PLAA: variants seen among roughly 807,000 people sequenced by gnomAD.
PLAA encodes the protein phospholipase A2 activating protein.
Under a neutral mutation model 84.1 loss-of-function variants are expected in PLAA, and 48 were observed. The observed-to-expected ratio is 0.57, with a 90% CI of 0.45 to 0.73. PLAA has a LOEUF of 0.73. Ranked by LOEUF, PLAA falls within the 30% of genes least tolerant of loss-of-function variation. The pLI, the probability that PLAA is intolerant of heterozygous loss-of-function variation, is 0.00. For missense variants in PLAA, 903 were observed against 954.7 expected, an observed-to-expected ratio of 0.95 and a Z score of 0.71; for synonymous variants, 392 against 336.6, an observed-to-expected ratio of 1.16 and a Z score of -1.80.
chr9:26,932,115 A>G (rs1825204890), intron 2 of PLAA, among the ~76,000 whole-genome samples: 7 of 152,158 alleles, frequency 4.6e-5, no homozygotes, highest in Admixed American at 4.6e-4. Context: ...ACAAACAAAC[A>G]AACAAAACAG....
chr9:26,939,553 G>C lies in PLAA; in HGVS notation c.150-4347C>G, dbSNP rs149798196. On this transcript the variant is annotated intron_variant, in intron 1 of 13. Coordinates refer to ENST00000397292, the MANE Select transcript of PLAA (RefSeq NM_001031689.3). ...GAAAACAGACAGCAAAATGGCATCG[G>C]TGATTACTTTCAATGTAAATGAATT... 1.5e-4 allele frequency among the ~76,000 whole-genome samples: 22 copies of C among 147,980 alleles called. No individual in the cohort carries two copies. In the East Asian group the frequency reaches 2.9e-3, roughly 20 times the overall value.
intron 7 of PLAA, among the ~76,000 whole-genome samples, 174 bp downstream of exon 7, chr9:26,923,004 T>C (rs561982826): frequency 6.6e-6 from 1 of 152,258 alleles, no homozygotes; most frequent in East Asian, 1.9e-4. Flanking sequence ...AAGTCTTCTG[T>C]GAGACAGAGG....
intron 11 of PLAA, among the ~76,000 whole-genome samples, chr9:26,912,102 A>G (rs1164202629): frequency 6.6e-6 from 1 of 152,240 alleles, no homozygotes; most frequent in Non-Finnish European, 1.5e-5. Flanking sequence ...GAAAGATAAG[A>G]GTAGGCGATC....
chr9:26,929,176 T>C (rs1228985024), intron 2 of PLAA, among the ~76,000 whole-genome samples: 1 of 151,898 alleles, frequency 6.6e-6, no homozygotes, highest in Non-Finnish European at 1.5e-5. Context: ...ACTTCACGCC[T>C]GGGTGACACA....
intron 2 of PLAA, among the ~76,000 whole-genome samples, chr9:26,930,191 G>A (rs556738827): frequency 9.3e-4 from 138 of 148,172 alleles, no homozygotes; most frequent in African/African-American, 3.1e-3. Context: ...CGCAAGCTCT[G>A]CCTCCCGGGT....
intron 1 of PLAA, among the ~76,000 whole-genome samples, chr9:26,937,683 G>A (rs1825404974): frequency 1.3e-5 from 2 of 152,032 alleles, no homozygotes; most frequent in Non-Finnish European, 1.5e-5. Flanking sequence ...GAAAACTGAA[G>A]TATCAGTAAA....
At chr9:26,912,910 TA>T (rs1469048574) in intron 11 of PLAA, among the ~76,000 whole-genome samples, 1 of 152,084 alleles carries the variant, frequency 6.6e-6, no homozygotes, top group African/African-American at 2.4e-5. Flanking sequence ...CTTTTGCAAT[TA>T]AAAAATAGCT....
chr9:26,919,394 C>A lies in PLAA; in HGVS notation c.1333G>T (p.Asp445Tyr), dbSNP rs570825518. The A allele has an allele frequency of 6.2e-7, 1 of 1,612,990 alleles. No homozygotes were observed. The highest frequency in any genetic ancestry group is 2.2e-5 in the East Asian group (1 of 44,778). ...TCAATAATAAATTTAGCTACTTGAT[C>A]CAGAAACATAGGATTCAAATCATTC... ...QKNDLNPMFL[D>Y]QVAKFIIDNT... Residue 445 changes from aspartate (D) to tyrosine (Y), a missense_variant, in exon 9 of 14, where the codon GAT becomes TAT. Physicochemically the swap from Asp to Tyr is radical, Grantham distance 160 (BLOSUM62 -3). Transcript: ENST00000397292.
chr9:26,935,195 C>T lies in PLAA; in HGVS notation c.161G>A (p.Ser54Asn), dbSNP rs1394839373. ...RLWAPDSPNR[S>N]FTEMHCMSGH... ...ACTCATACAGTGCATTTCTGTAAAG[C>T]TCCTGTTTGGACTGGAAAGACAAGA... The change falls in exon 2 of 14, where the codon AGC becomes AAC. Residue 54 changes from serine to asparagine, a missense_variant. Physicochemically the swap from Ser to Asn is conservative, Grantham distance 46. Transcript: ENST00000397292. 1.9e-6 allele frequency: 3 copies of T among 1,563,570 alleles called. No homozygotes were observed. Among genetic ancestry groups the T allele is most frequent in the Non-Finnish European group, 2.6e-6 (3 of 1,161,014 alleles).
chr9:26,928,242 A>G, intron 3 of PLAA, 22 bp from the exon 4 acceptor site: 1 of 1,614,064 alleles, frequency 6.2e-7, no homozygotes. Context: ...ATGAGTATCA[A>G]TTTAAGTTGC....
At chr9:26,919,639 T>A (rs1824690910) in intron 8 of PLAA, 110 bp from the exon 9 acceptor site, 1 of 672,878 alleles carries the variant, frequency 1.5e-6, no homozygotes, top group East Asian at 2.5e-5. Flanking sequence ...GTACTTAAAC[T>A]TTCTCCAAAG....
chr9:26,929,577 T>C (rs1181529731), intron 2 of PLAA, among the ~76,000 whole-genome samples: 1 of 152,190 alleles, frequency 6.6e-6, no homozygotes, highest in African/African-American at 2.4e-5. Context: ...ACCTTTTTCC[T>C]AGACCAGAAG....
chr9:26,942,691 G>C (rs1013364074), intron 1 of PLAA, among the ~76,000 whole-genome samples: 7 of 152,044 alleles, frequency 4.6e-5, no homozygotes, highest in Admixed American at 3.9e-4. Context: ...GACCATCCTG[G>C]CTAACACTGT....
At chr9:26,944,687 G>C (rs1176777157) in intron 1 of PLAA, among the ~76,000 whole-genome samples, 1 of 152,212 alleles carries the variant, frequency 6.6e-6, no homozygotes, top group Non-Finnish European at 1.5e-5. Flanking sequence ...CCACAGGATG[G>C]ACAAGCTTGC....
chr9:26,940,039 C>A (rs1200833092), intron 1 of PLAA, among the ~76,000 whole-genome samples: 4 of 152,092 alleles, frequency 2.6e-5, no homozygotes, highest in Non-Finnish European at 5.9e-5. Flanking sequence ...CTAGAACTAA[C>A]AGACATACAG....
intron 5 of PLAA, 56 bp from the exon 6 acceptor site, chr9:26,926,016 C>T: frequency 1.4e-6 from 2 of 1,397,192 alleles, no homozygotes; most frequent in Non-Finnish European, 2.0e-6. Flanking sequence ...TACATTTATA[C>T]ATACCATCTT....
intron 1 of PLAA, among the ~76,000 whole-genome samples, chr9:26,937,125 AC>A (rs2131417129): frequency 6.6e-6 from 1 of 152,192 alleles, no homozygotes; most frequent in Non-Finnish European, 1.5e-5. Context: ...TGGGGGGACA[AC>A]AGCAAGACTT....
chr9:26,933,350 G>A (rs984671317), intron 2 of PLAA, among the ~76,000 whole-genome samples: 4 of 151,452 alleles, frequency 2.6e-5, no homozygotes, highest in Admixed American at 2.6e-4. Context: ...CAGGAGAATC[G>A]CTTCAACCCG....
intron 13 of PLAA, among the ~76,000 whole-genome samples, chr9:26,907,080 TA>T (rs952190756): frequency 2.5e-5 from 3 of 121,678 alleles, no homozygotes; most frequent in East Asian, 2.3e-4. Context: ...ATCAGTGGCA[TA>T]AAAAAAAATA....
Sources: gnomAD v4.1 joint callset for allele counts (sites outside exome capture counted in the v4.1 genomes callset) on GRCh38, gnomAD v4.1.1 for gene constraint, MANE v1.5 for transcripts, NCBI Gene and HGNC (gene_info 2026-07-23, HGNC 2026-07-21) for gene names.